FHIT: variants seen among roughly 807,000 people sequenced by gnomAD.
FHIT encodes the protein fragile histidine triad diadenosine triphosphatase.
FHIT carries 19 observed loss-of-function variants against 17.9 expected under a neutral mutation model. That is an observed-to-expected ratio of 1.06 (90% CI 0.74 to 1.56). The LOEUF (loss-of-function observed/expected upper bound fraction) is 1.56, where lower values mean the gene tolerates loss of function less well. Among genes scored for constraint, FHIT ranks in the 40% most tolerant of loss-of-function variants. FHIT has a pLI of 0.00. For synonymous variants in FHIT, 81 were observed against 69.7 expected, an observed-to-expected ratio of 1.16 and a Z score of -0.81; for missense variants, 248 against 189.2, an observed-to-expected ratio of 1.31 and a Z score of -1.82.
intron 2 of FHIT, among the ~76,000 whole-genome samples, chr3:61,076,659 T>G (rs2034981773): frequency 6.6e-6 from 1 of 152,186 alleles, no homozygotes; most frequent in African/African-American, 2.4e-5. Context: ...ATCTTGTGTA[T>G]ATTGTTTCTA....
chr3:60,891,632 C>A (rs183584428), intron 3 of FHIT, among the ~76,000 whole-genome samples: 17 of 152,236 alleles, frequency 1.1e-4, no homozygotes, highest in African/African-American at 4.1e-4. Flanking sequence ...AATAAAATAT[C>A]ATTTTCATCT....
At chr3:60,289,068 T>C (rs1456297098) in intron 5 of FHIT, among the ~76,000 whole-genome samples, 1 of 152,132 alleles carries the variant, frequency 6.6e-6, no homozygotes, top group Admixed American at 6.5e-5. Context: ...TCATAAACAC[T>C]CTCCACAAAC....
intron 4 of FHIT, among the ~76,000 whole-genome samples, chr3:60,581,952 A>G (rs1230243087): frequency 2.6e-5 from 4 of 152,066 alleles, no homozygotes. Flanking sequence ...TGGATGCTGC[A>G]CCGATGCACA....
chr3:60,179,722 C>T (rs1428098310), intron 5 of FHIT, among the ~76,000 whole-genome samples: 2 of 152,040 alleles, frequency 1.3e-5, no homozygotes, highest in Non-Finnish European at 2.9e-5. Flanking sequence ...TTTAAGAAAT[C>T]CAAGGTCATG....
chr3:60,110,543 C>A (rs76292036), intron 5 of FHIT, among the ~76,000 whole-genome samples: 17 of 152,010 alleles, frequency 1.1e-4, no homozygotes, highest in East Asian at 3.9e-4. Flanking sequence ...GCCAAGTTTA[C>A]GTAAGTTCAA....
chr3:60,280,667 A>C (rs541981616), intron 5 of FHIT, among the ~76,000 whole-genome samples: 5 of 152,074 alleles, frequency 3.3e-5, no homozygotes, highest in Non-Finnish European at 7.4e-5. Flanking sequence ...CCCTGCTGAC[A>C]CCTAGATTTT....
intron 5 of FHIT, among the ~76,000 whole-genome samples, chr3:60,355,186 T>A (rs1431329392): frequency 6.6e-6 from 1 of 152,188 alleles, no homozygotes; most frequent in East Asian, 1.9e-4. Flanking sequence ...CCACTCGTCA[T>A]GTAACACTGG....
intron 5 of FHIT, among the ~76,000 whole-genome samples, chr3:60,135,362 G>A (rs1248295286): frequency 6.6e-6 from 1 of 152,094 alleles, no homozygotes; most frequent in African/African-American, 2.4e-5. Context: ...TCTGTTTCAA[G>A]CAGAAAAACT....
chr3:59,856,255 A>G (rs1702151667), intron 8 of FHIT, among the ~76,000 whole-genome samples: 1 of 152,238 alleles, frequency 6.6e-6, no homozygotes, highest in Admixed American at 6.5e-5. Flanking sequence ...ACCATAATGG[A>G]CCCAAGAAAT....
intron 5 of FHIT, among the ~76,000 whole-genome samples, chr3:60,519,104 A>G (rs2035265879): frequency 6.6e-6 from 1 of 152,226 alleles, no homozygotes. Flanking sequence ...TTCAAGAGAA[A>G]CATGTAAGAA....
intron 5 of FHIT, among the ~76,000 whole-genome samples, chr3:60,387,018 T>C (rs1701037551): frequency 7.9e-6 from 1 of 125,884 alleles, no homozygotes; most frequent in Admixed American, 8.0e-5. Context: ...GAAATTCTAT[T>C]TATTCTTTTT....
chr3:60,602,109 A>G (rs2038462937), intron 4 of FHIT, among the ~76,000 whole-genome samples: 1 of 152,208 alleles, frequency 6.6e-6, no homozygotes, highest in African/African-American at 2.4e-5. Context: ...TGGACCGTAA[A>G]AAGAAAAATT....
chr3:60,327,564 C>A (rs1478738753), intron 5 of FHIT, among the ~76,000 whole-genome samples: 4 of 152,196 alleles, frequency 2.6e-5, no homozygotes, highest in Non-Finnish European at 1.5e-5. Context: ...CCATGTCTTG[C>A]ATATGGTGTG....
intron 3 of FHIT, among the ~76,000 whole-genome samples, chr3:60,881,817 A>C (rs1286417831): frequency 6.6e-6 from 1 of 152,082 alleles, no homozygotes; most frequent in Non-Finnish European, 1.5e-5. Context: ...AAAGACTTTA[A>C]ATAAATAATC....
intron 5 of FHIT, among the ~76,000 whole-genome samples, chr3:60,467,162 C>T (rs557694838): frequency 2.0e-5 from 3 of 152,052 alleles, no homozygotes; most frequent in East Asian, 3.9e-4. Context: ...TATAGTAGCT[C>T]ACAGTATCTT....
At chr3:60,123,161 CTATTAA>C (rs376059929) in intron 5 of FHIT, among the ~76,000 whole-genome samples, 200 of 152,214 alleles carry the variant, frequency 1.3e-3, no homozygotes, top group African/African-American at 4.4e-3. Flanking sequence ...TAAAAAGAAG[CTATTAA>C]TATTAACAGT....
At chr3:61,075,319 G>C (rs920234630) in intron 2 of FHIT, among the ~76,000 whole-genome samples, 6 of 151,848 alleles carry the variant, frequency 4.0e-5, no homozygotes, top group Non-Finnish European at 8.8e-5. Flanking sequence ...AGTACTATAA[G>C]GGATGTTTGT....
intron 4 of FHIT, among the ~76,000 whole-genome samples, chr3:60,726,197 A>T (rs989639880): frequency 3.3e-5 from 5 of 152,152 alleles, no homozygotes; most frequent in Non-Finnish European, 7.4e-5. Context: ...AAATCTTATC[A>T]CTCAAGATAT....
intron 5 of FHIT, among the ~76,000 whole-genome samples, chr3:60,123,754 T>C (rs1025743014): frequency 1.4e-4 from 21 of 151,678 alleles, no homozygotes; most frequent in African/African-American, 5.1e-4. Context: ...ACTTTAAGTT[T>C]AGTGGATTAA....
Sources: gnomAD v4.1 joint callset for allele counts (sites outside exome capture counted in the v4.1 genomes callset) on GRCh38, gnomAD v4.1.1 for gene constraint, MANE v1.5 for transcripts, NCBI Gene and HGNC (gene_info 2026-07-23, HGNC 2026-07-21) for gene names.